Variants in URAD observed in about 807,000 individuals in gnomAD.
URAD encodes the protein ureidoimidazoline (2-oxo-4-hydroxy-4-carboxy-5-) decarboxylase, also known as putative 2-oxo-4-hydroxy-4-carboxy-5-ureidoimidazoline decarboxylase.
In URAD, 4 loss-of-function variants were observed where a neutral mutation model predicts 4.6. The observed-to-expected ratio is 0.87, with a 90% CI of 0.43 to 1.98. The LOEUF (loss-of-function observed/expected upper bound fraction) is 1.98, where lower values mean the gene tolerates loss of function less well. Ranked by LOEUF, URAD falls within the 30% of genes most tolerant of loss-of-function variation. The pLI, the probability that URAD is intolerant of heterozygous loss-of-function variation, is 0.03. For synonymous variants in URAD, 144 were observed against 118.2 expected (o/e 1.22, Z -1.41); for missense variants, 300 against 255.3 (o/e 1.18, Z -1.19).
In URAD at chr13:27,978,382, G is replaced by C. The variant is rs1163565443; in HGVS notation, c.246C>G (p.Ala82=). The C allele has an allele frequency of 7.1e-7, 1 of 1,401,290 alleles. No homozygotes were observed. Among genetic ancestry groups the C allele is most frequent in the African/African-American group, 1.5e-5 (1 of 66,280 alleles). 86.8% of individuals were successfully genotyped at this position (1,401,290 alleles called of 1,614,324 possible). A position where few individuals can be genotyped will look rare whatever the true frequency, so the allele number is the denominator to read the frequency against. The part of the protein sequence containing the change: ...GSELQRGTLT[A]ESQREQSGAG... ...CGCCGCTCTGTTCCCGCTGCGACTC[G>C]GCCGTGAGCGTGCCCCGCTGCAGCT... Residue 82 remains alanine, a synonymous_variant, in exon 2 of 2, where the codon GCC becomes GCG. Transcript: ENST00000332715.
Position 27,988,598 on chromosome 13 carries a change from A to T in URAD, c.40T>A (p.Phe14Ile). The change falls in exon 1 of 2, where the codon TTC becomes ATC. Residue 14 changes from phenylalanine (F) to isoleucine (I), a missense_variant. Coordinates refer to ENST00000332715, the MANE Select transcript of URAD (RefSeq NM_001105577.2). ...EKVNSMDLGE[F>I]VDVFGNATER... Reference sequence around the variant, plus strand: ...GTGGCATTCCCAAACACATCCACGAATTCTCCAAGGTCCATGGAGTTGACC... The same window carrying T: ...GTGGCATTCCCAAACACATCCACGATTTCTCCAAGGTCCATGGAGTTGACC... The T allele has an allele frequency of 6.2e-7, 1 of 1,613,684 alleles. No homozygotes were observed. Among genetic ancestry groups the T allele is most frequent in the South Asian group, 1.1e-5 (1 of 91,028 alleles).
chr13:27,988,419 A>G, intron 1 of URAD, 44 bp downstream of exon 1: 2 of 1,531,702 alleles, frequency 1.3e-6, no homozygotes, highest in Non-Finnish European at 1.8e-6. Context: ...TAACAAGCAT[A>G]TTTGAAATCC....
In URAD at chr13:27,977,868, T is replaced by C. The variant is rs1869754650; in HGVS notation, c.*238A>G. ...GGAGTGAAGAATTGAAGCAGTGAGC[T>C]GGATAAATCCGGGGCAAAGCACTAA... On this transcript the variant is annotated 3_prime_UTR_variant, in exon 2 of 2. Transcript: ENST00000332715. The C allele has an allele frequency of 4.4e-6, 2 of 456,470 alleles. No individual in the cohort carries two copies. The highest frequency in any genetic ancestry group is 3.7e-5 in the East Asian group (1 of 27,374). The allele number at this position is 456,470 out of a possible 1,614,324, so 28.3% of individuals were successfully genotyped here.
intron 1 of URAD, among the ~76,000 whole-genome samples, chr13:27,983,469 T>G (rs1869933159): frequency 6.6e-6 from 1 of 152,114 alleles, no homozygotes; most frequent in Non-Finnish European, 1.5e-5. Context: ...CCTCAAGTGA[T>G]CCATCTGCCT....
chr13:27,986,184 T>A (rs1870023329), intron 1 of URAD, among the ~76,000 whole-genome samples: 1 of 152,160 alleles, frequency 6.6e-6, no homozygotes, highest in African/African-American at 2.4e-5. Flanking sequence ...TACCACTGAG[T>A]CACCCAGTTA....
intron 1 of URAD, among the ~76,000 whole-genome samples, chr13:27,979,247 G>A (rs1869809461): frequency 6.6e-6 from 1 of 152,120 alleles, no homozygotes; most frequent in South Asian, 2.1e-4. Flanking sequence ...AGATCCCAGA[G>A]GCCCCAGAGA....
chr13:27,984,920 A>G (rs947853748), intron 1 of URAD, among the ~76,000 whole-genome samples: 1 of 152,140 alleles, frequency 6.6e-6, no homozygotes, highest in African/African-American at 2.4e-5. Context: ...CGGAGGTTGC[A>G]GTGAGCTGAG....
At chr13:27,983,299 G>A (rs769434255) in intron 1 of URAD, among the ~76,000 whole-genome samples, 5 of 151,970 alleles carry the variant, frequency 3.3e-5, no homozygotes, top group East Asian at 1.9e-4. Context: ...GTGCGATCTC[G>A]GCTCACTGCA....
At position 27,978,198 on chromosome 13, in the gene URAD, C is replaced by A. The variant is rs1449215645; in HGVS notation, c.430G>T (p.Ala144Ser). 1.3e-6 allele frequency: 2 copies of A among 1,500,106 alleles called. No individual in the cohort carries two copies. The highest frequency in any genetic ancestry group is 8.8e-7 in the Non-Finnish European group (1 of 1,136,758). 92.9% of individuals were successfully genotyped at this position (1,500,106 alleles called of 1,614,324 possible). A position where few individuals can be genotyped will look rare whatever the true frequency, so the allele number is the denominator to read the frequency against. The change falls in exon 2 of 2, where the codon GCG (alanine) becomes TCG (serine). Residue 144 changes from alanine (A) to serine (S), a missense_variant. Transcript: ENST00000332715. Reference sequence around the variant, plus strand: ...CCCAGAGCAGTGCGCAGCTCCTGCGCGGACGGGCAGAGCAGCCGGCGCGCC... The same window carrying A: ...CCCAGAGCAGTGCGCAGCTCCTGCGAGGACGGGCAGAGCAGCCGGCGCGCC... ...ELARRLLCPS[A>S]QELRTALGEV...
intron 1 of URAD, among the ~76,000 whole-genome samples, chr13:27,980,528 C>T (rs1489806296): frequency 6.6e-6 from 1 of 151,392 alleles, no homozygotes; most frequent in East Asian, 2.0e-4. Context: ...GAGTCTTGGG[C>T]GGCTGGACCT....
chr13:27,988,117 C>T (rs78514541), intron 1 of URAD, among the ~76,000 whole-genome samples: 36,389 of 152,078 alleles, frequency 0.24, 5,699 homozygotes, highest in South Asian at 0.58. Context: ...TGCCACCACG[C>T]CTGGCTAATT....
intron 1 of URAD, among the ~76,000 whole-genome samples, chr13:27,984,593 G>A (rs1055368856): frequency 3.3e-5 from 5 of 152,196 alleles, no homozygotes; most frequent in Admixed American, 2.6e-4. Flanking sequence ...TAACTTGAAC[G>A]TCTCTCTAAG....
chr13:27,982,115 G>A (rs4614573), intron 1 of URAD, among the ~76,000 whole-genome samples: 76,424 of 151,850 alleles, frequency 0.5, 20,103 homozygotes, highest in East Asian at 0.81. Flanking sequence ...ATGTCACCTG[G>A]TTGGCCCTCT....
At chr13:27,982,803 G>C (rs1869914006) in intron 1 of URAD, among the ~76,000 whole-genome samples, 1 of 152,110 alleles carries the variant, frequency 6.6e-6, no homozygotes, top group African/African-American at 2.4e-5. Flanking sequence ...CAGTGGCTCA[G>C]ACTGAAAACT....
chr13:27,987,750 G>A (rs570199757), intron 1 of URAD, among the ~76,000 whole-genome samples: 4 of 152,070 alleles, frequency 2.6e-5, no homozygotes, highest in South Asian at 4.2e-4. Context: ...CTTAGCCACC[G>A]CATTCTTCCA....
chr13:27,985,516 T>G (rs1374102933), intron 1 of URAD, among the ~76,000 whole-genome samples: 1 of 152,178 alleles, frequency 6.6e-6, no homozygotes, highest in East Asian at 1.9e-4. Context: ...ATACAATAGA[T>G]TATTATTGAC....
Position 27,978,211 on chromosome 13 carries a change from C to A in URAD, c.417G>T (p.Leu139=). 6.7e-7 allele frequency: 1 copy of A among 1,482,244 alleles called. No individual in the cohort carries two copies. The highest frequency in any genetic ancestry group is 8.9e-7 in the Non-Finnish European group (1 of 1,127,696). The allele number at this position is 1,482,244 out of a possible 1,614,324, so 91.8% of individuals were successfully genotyped here. The change falls in exon 2 of 2, where the codon CTG becomes CTT. Residue 139 remains leucine, a synonymous_variant. Coordinates refer to ENST00000332715, the MANE Select transcript of URAD (RefSeq NM_001105577.2). ...TAVPRELARR[L]LCPSAQELRT... ...GCAGCTCCTGCGCGGACGGGCAGAGCAGCCGGCGCGCCAGCTCGCGCGGCA... is the reference window on the plus strand; with the variant it reads ...GCAGCTCCTGCGCGGACGGGCAGAGAAGCCGGCGCGCCAGCTCGCGCGGCA...
intron 1 of URAD, among the ~76,000 whole-genome samples, chr13:27,983,782 C>A (rs1869940952): frequency 1.3e-5 from 2 of 152,166 alleles, no homozygotes; most frequent in Admixed American, 1.3e-4. Context: ...GTTCCCAGTG[C>A]CCACAACAAT....
intron 1 of URAD, among the ~76,000 whole-genome samples, chr13:27,980,682 G>A (rs1263887899): frequency 6.6e-6 from 1 of 152,300 alleles, no homozygotes; most frequent in East Asian, 1.9e-4. Context: ...TGGGAGGTCC[G>A]GGCGCGGGGT....
Sources: allele counts gnomAD v4.1 joint callset (sites outside exome capture counted in the v4.1 genomes callset), GRCh38; gene constraint gnomAD v4.1.1; transcripts MANE v1.5; gene names NCBI Gene and HGNC (gene_info 2026-07-23, HGNC 2026-07-21).